Variants in ARHGEF33 observed in about 807,000 individuals in gnomAD.
ARHGEF33 encodes DH and coiled-coil domain-containing protein ENSP00000381780.
A neutral mutation model predicts 101.9 loss-of-function variants in ARHGEF33; 72 were observed. That is an observed-to-expected ratio of 0.71 (90% CI 0.58 to 0.86). The LOEUF (loss-of-function observed/expected upper bound fraction) is 0.86. ARHGEF33 is among the 40% of genes least tolerant of loss of function. The probability of loss-of-function intolerance (pLI) is 0.00; values close to 1 mark genes in which losing one functional copy is unlikely to be tolerated. For missense variants in ARHGEF33, 1,169 were observed against 1,111.3 expected (o/e 1.05, Z -0.74); for synonymous variants, 499 against 442.5 (o/e 1.13, Z -1.60).
At chr2:38,931,504 A>C (rs1667003640) in intron 7 of ARHGEF33, among the ~76,000 whole-genome samples, 1 of 152,180 alleles carries the variant, frequency 6.6e-6, no homozygotes, top group Non-Finnish European at 1.5e-5. Flanking sequence ...AATTGAATTA[A>C]AAATAATTTA....
chr2:38,915,967 A>T (rs979203121), intron 2 of ARHGEF33, among the ~76,000 whole-genome samples: 1 of 152,150 alleles, frequency 6.6e-6, no homozygotes, highest in Non-Finnish European at 1.5e-5. Context: ...TCGAGGTTAC[A>T]TTGAGCTATG....
chr2:38,967,656 G>C (rs935443975), intron 17 of ARHGEF33, among the ~76,000 whole-genome samples: 1 of 151,944 alleles, frequency 6.6e-6, no homozygotes, highest in Non-Finnish European at 1.5e-5. Flanking sequence ...GTTCACTGCA[G>C]CCTCTGCCTC....
At chr2:38,955,481 CTTTTTTTTTTTT>C (rs3085350) in intron 13 of ARHGEF33, among the ~76,000 whole-genome samples, 2 of 71,186 alleles carry the variant, frequency 2.8e-5, no homozygotes, top group Admixed American at 2.4e-4. Flanking sequence ...ATTGAAAAGA[CTTTTTTTTTTTT>C]TTTTTTTTTT....
chr2:38,967,243 G>A lies in ARHGEF33; in HGVS notation c.2483+1098G>A, dbSNP rs149158752. On this transcript the variant is annotated intron_variant, in intron 17 of 17. Coordinates refer to ENST00000409978, the MANE Select transcript of ARHGEF33 (RefSeq NM_001145451.5). ...TGTCTAATTGTAATTATCCTCCTGTGGGGAGGGTGGTACTGAGATTAGTGG... is the reference window on the plus strand; with the variant it reads ...TGTCTAATTGTAATTATCCTCCTGTAGGGAGGGTGGTACTGAGATTAGTGG... Among the ~76,000 whole-genome samples, 207 of 152,318 alleles carry A rather than the reference G, an allele frequency of 1.4e-3. 1 individual carries two copies. Among genetic ancestry groups the A allele is most frequent in the African/African-American group, 4.5e-3 (189 of 41,576 alleles).
chr2:38,952,280 C>T (rs1667631434), intron 11 of ARHGEF33, among the ~76,000 whole-genome samples: 1 of 152,216 alleles, frequency 6.6e-6, no homozygotes, highest in South Asian at 2.1e-4. Flanking sequence ...ATATAATGTA[C>T]TAATATCCTC....
At chr2:38,969,957 A>G (rs914827472) in intron 17 of ARHGEF33, among the ~76,000 whole-genome samples, 1 of 152,208 alleles carries the variant, frequency 6.6e-6, no homozygotes, top group Non-Finnish European at 1.5e-5. Context: ...TAATATATAC[A>G]TCTTGCAACA....
chr2:38,927,978 G>C (rs1039313822), intron 4 of ARHGEF33, among the ~76,000 whole-genome samples: 1 of 152,102 alleles, frequency 6.6e-6, no homozygotes, highest in Non-Finnish European at 1.5e-5. Context: ...CCACCTAAAG[G>C]GGGAGAAGAA....
chr2:38,954,374 G>A lies in ARHGEF33; in HGVS notation c.1139G>A (p.Gly380Asp), dbSNP rs1017374852. Residue 380 changes from glycine to aspartate, a missense_variant and splice_region_variant, in exon 13 of 18, where the codon GGT becomes GAT. By Grantham distance (94) the Gly-to-Asp change is moderately conservative. Transcript: ENST00000409978. ...SLVHVVVLKEGDEEIKSDIYT... is the reference protein window; with the variant it reads ...SLVHVVVLKEDDEEIKSDIYT... The stretch of plus-strand genomic sequence containing the variant: ...TAACTTGACCTTTCTTTCATTCAGG[G>A]TGATGAAGAGATTAAATCTGACATC... The A allele has an allele frequency of 2.6e-6, 4 of 1,537,704 alleles. No individual in the cohort carries two copies. The highest frequency in any genetic ancestry group is 1.4e-5 in the African/African-American group (1 of 72,300).
intron 16 of ARHGEF33, among the ~76,000 whole-genome samples, chr2:38,960,884 G>A (rs573827987): frequency 2.4e-4 from 36 of 152,330 alleles, no homozygotes; most frequent in African/African-American, 6.7e-4. Flanking sequence ...TCCAGTACCA[G>A]GACCCAAAGA....
At chr2:38,947,756 T>C (rs1382063880) in intron 10 of ARHGEF33, among the ~76,000 whole-genome samples, 1 of 152,234 alleles carries the variant, frequency 6.6e-6, no homozygotes, top group African/African-American at 2.4e-5. Context: ...CTCAGCAGGA[T>C]TGTCAATTAG....
chr2:38,920,125 G>T (rs770706546), intron 3 of ARHGEF33, among the ~76,000 whole-genome samples: 1 of 152,186 alleles, frequency 6.6e-6, no homozygotes, highest in African/African-American at 2.4e-5. Context: ...AAATACTGAG[G>T]TTGGAGGGGT....
chr2:38,928,751 G>A (rs1446802483), intron 4 of ARHGEF33, 156 bp from the exon 5 acceptor site: 8 of 577,782 alleles, frequency 1.4e-5, no homozygotes, highest in Non-Finnish European at 2.4e-5. Flanking sequence ...ATGGGGCCAG[G>A]GTTGTCTTAA....
rs1004933726 is a variant in ARHGEF33, at chr2:38,894,951, G to GA, written c.-158-816dup. On this transcript the variant is annotated intron_variant, in intron 1 of 17. Coordinates refer to ENST00000409978, the MANE Select transcript of ARHGEF33 (RefSeq NM_001145451.5). Reference sequence around the variant, plus strand: ...ATTATGTACAAAAGTAATCTTTTAAGAAAAAAAAAATCAGTAAAATTAAAG... The same window carrying GA: ...ATTATGTACAAAAGTAATCTTTTAAGAAAAAAAAAAATCAGTAAAATTAAAG... Among the ~76,000 whole-genome samples, 62 of 147,326 alleles carry GA rather than the reference G, an allele frequency of 4.2e-4. 1 individual carries two copies. Among genetic ancestry groups the GA allele is most frequent in the African/African-American group, 1.1e-3 (46 of 40,164 alleles).
At chr2:38,939,892 G>A (rs887961580) in intron 9 of ARHGEF33, among the ~76,000 whole-genome samples, 1 of 152,152 alleles carries the variant, frequency 6.6e-6, no homozygotes, top group Non-Finnish European at 1.5e-5. Context: ...CAGTTGTGAA[G>A]GTACTCTGGT....
At position 38,960,124 on chromosome 2, in the gene ARHGEF33, G is replaced by A; in HGVS notation, c.1819G>A (p.Gly607Ser). ...APAELLPDARGFVPAAYEEFE... is the reference protein window; with the variant it reads ...APAELLPDARSFVPAAYEEFE... ...GGCCGAGCTCCTGCCCGATGCCCGCGGCTTCGTGCCCGCGGCCTACGAAGA... is the reference window on the plus strand; with the variant it reads ...GGCCGAGCTCCTGCCCGATGCCCGCAGCTTCGTGCCCGCGGCCTACGAAGA... The change falls in exon 16 of 18, where the codon GGC becomes AGC. Residue 607 changes from glycine to serine, a missense_variant. Transcript: ENST00000409978. The A allele has an allele frequency of 1.3e-6, 2 of 1,542,348 alleles. No individual in the cohort carries two copies. The highest frequency in any genetic ancestry group is 1.7e-6 in the Non-Finnish European group (2 of 1,145,400).
chr2:38,962,680 TTC>T (rs1667970775), intron 16 of ARHGEF33, among the ~76,000 whole-genome samples: 2 of 151,948 alleles, frequency 1.3e-5, no homozygotes, highest in Non-Finnish European at 2.9e-5. Context: ...CATTACTTAT[TTC>T]TGTTTCTAGA....
intron 9 of ARHGEF33, among the ~76,000 whole-genome samples, chr2:38,942,584 C>G (rs1250737763): frequency 6.7e-6 from 1 of 149,298 alleles, no homozygotes; most frequent in East Asian, 2.0e-4. Context: ...ATTAGCCTCT[C>G]TTTTTAAAAA....
intron 10 of ARHGEF33, 34 bp from the exon 11 acceptor site, chr2:38,950,955 T>C (rs1183842981): frequency 2.6e-6 from 4 of 1,546,804 alleles, no homozygotes; most frequent in Non-Finnish European, 3.5e-6. Flanking sequence ...CTCTACACCT[T>C]GTTTGTGTGA....
At chr2:38,917,024 T>A (rs937047013) in intron 2 of ARHGEF33, among the ~76,000 whole-genome samples, 1 of 151,850 alleles carries the variant, frequency 6.6e-6, no homozygotes, top group Non-Finnish European at 1.5e-5. Flanking sequence ...GGTCTGGAAC[T>A]CCTGACCTCA....
Sources: gnomAD v4.1 joint callset for allele counts (sites outside exome capture counted in the v4.1 genomes callset) on GRCh38, gnomAD v4.1.1 for gene constraint, MANE v1.5 for transcripts, NCBI Gene and HGNC (gene_info 2026-07-23, HGNC 2026-07-21) for gene names.